Variants in FBN2 observed in about 807,000 individuals in gnomAD.
FBN2 encodes the protein fibrillin-2.
In FBN2, 105 loss-of-function variants were observed where a neutral mutation model predicts 355.6. The ratio of observed to expected loss-of-function variants is 0.30; its 90% CI spans 0.25 to 0.35. The LOEUF (loss-of-function observed/expected upper bound fraction) is 0.35, where lower values mean the gene tolerates loss of function less well. FBN2 is among the 10% of genes least tolerant of loss of function. The pLI, the probability that FBN2 is intolerant of heterozygous loss-of-function variation, is 1.00. For missense variants in FBN2, 3,280 were observed against 3,758.7 expected (o/e 0.87, Z 3.33); for synonymous variants, 1,350 against 1,301.2 (o/e 1.04, Z -0.81).
chr5:128,334,630 C>G (rs992930016), intron 31 of FBN2, 89 bp downstream of exon 31: 61 of 1,407,606 alleles, frequency 4.3e-5, no homozygotes, highest in African/African-American at 1.4e-5. Context: ...GGTAACCGCT[C>G]TAAGAGATGC....
chr5:128,368,603 A>G (rs1010640078), intron 16 of FBN2, among the ~76,000 whole-genome samples: 2 of 151,566 alleles, frequency 1.3e-5, no homozygotes, highest in African/African-American at 4.8e-5. Context: ...GATCAAGGAA[A>G]CTGAGGCTAT....
rs1049053117 is a variant in FBN2, at chr5:128,339,059, T to C, written c.3346A>G (p.Ile1116Val). 6 of 1,614,016 alleles carry C rather than the reference T, an allele frequency of 3.7e-6. No homozygotes were observed. The highest frequency in any genetic ancestry group is 5.1e-6 in the Non-Finnish European group (6 of 1,179,880). ...LDMEERNCTDIDECRISPDLC... is the reference protein window; with the variant it reads ...LDMEERNCTDVDECRISPDLC... ...TCAGGAGAAATCCTGCACTCGTCGA[T>C]GTCTAATTCACAGGGTTTAAAAGAA... The change falls in exon 26 of 65, where the codon ATC becomes GTC. Residue 1116 changes from isoleucine to valine, a missense_variant and splice_region_variant. Physicochemically the swap from Ile to Val is conservative, Grantham distance 29. Transcript: ENST00000262464.
At chr5:128,498,331 T>A (rs1755711571) in intron 5 of FBN2, among the ~76,000 whole-genome samples, 1 of 152,226 alleles carries the variant, frequency 6.6e-6, no homozygotes, top group Non-Finnish European at 1.5e-5. Flanking sequence ...ACGGGATAAT[T>A]AATGAATATA....
At chr5:128,385,581 C>T (rs1027790764) in intron 11 of FBN2, among the ~76,000 whole-genome samples, 3 of 152,018 alleles carry the variant, frequency 2.0e-5, no homozygotes, top group African/African-American at 4.8e-5. Context: ...CCCAGTATTG[C>T]TGGGTCGAAT....
chr5:128,369,116 T>G lies in FBN2; in HGVS notation c.2248+66A>C. On this transcript the variant is annotated intron_variant, in intron 16 of 64. Transcript: ENST00000262464. ...AACACTTAAGAGCTGATGTTCTCTT[T>G]GGCCAAACATCTAAGGTTGTATTTC... 3 of 1,505,482 alleles carry G rather than the reference T, an allele frequency of 2.0e-6. No individual in the cohort carries two copies. The South Asian group carries it at 3.4e-5, about 17-fold the overall frequency. The allele number at this position is 1,505,482 out of a possible 1,614,324, so 93.3% of individuals were successfully genotyped here.
At chr5:128,312,397 T>C (rs1207720006) in intron 37 of FBN2, among the ~76,000 whole-genome samples, 1 of 152,238 alleles carries the variant, frequency 6.6e-6, no homozygotes, top group East Asian at 1.9e-4. Context: ...GTACTATTCA[T>C]ACATGATTAC....
chr5:128,322,440 T>C (rs1561769709), intron 34 of FBN2, among the ~76,000 whole-genome samples: 1 of 152,354 alleles, frequency 6.6e-6, no homozygotes, highest in Non-Finnish European at 1.5e-5. Flanking sequence ...AAGTCTTTAA[T>C]CCACTTGAGT....
intron 8 of FBN2, among the ~76,000 whole-genome samples, chr5:128,406,529 A>G (rs757364230): frequency 2.0e-5 from 3 of 152,152 alleles, no homozygotes; most frequent in Non-Finnish European, 4.4e-5. Flanking sequence ...GCTAGCATCA[A>G]TACTCTTGGG....
At chr5:128,469,936 A>G (rs1484855429) in intron 5 of FBN2, among the ~76,000 whole-genome samples, 1 of 152,190 alleles carries the variant, frequency 6.6e-6, no homozygotes, top group African/African-American at 2.4e-5. Flanking sequence ...GTGTTACAGA[A>G]TTTAGAATAT....
chr5:128,361,122 A>G (rs776214838), intron 19 of FBN2, among the ~76,000 whole-genome samples: 1 of 152,246 alleles, frequency 6.6e-6, no homozygotes, highest in Non-Finnish European at 1.5e-5. Flanking sequence ...AGTAACTTCC[A>G]CTGCAAAAAT....
intron 7 of FBN2, chr5:128,441,942 ATTTT>A (rs1753932734): frequency 6.6e-6 from 1 of 152,302 alleles, no homozygotes; most frequent in Admixed American, 6.5e-5. Context: ...TAATGGATTT[ATTTT>A]TATTTATTTT....
At chr5:128,527,195 T>C (rs1304237376) in intron 4 of FBN2, among the ~76,000 whole-genome samples, 2 of 152,154 alleles carry the variant, frequency 1.3e-5, no homozygotes, top group Admixed American at 1.3e-4. Flanking sequence ...TCCCACAATT[T>C]AGAGAAGATT....
intron 7 of FBN2, among the ~76,000 whole-genome samples, chr5:128,444,113 C>T (rs867847177): frequency 1.4e-4 from 19 of 139,416 alleles, no homozygotes; most frequent in African/African-American, 5.1e-4. Flanking sequence ...TCGCCCAGGC[C>T]GGACTGCGGA....
chr5:128,469,546 A>AG (rs1422692421), intron 5 of FBN2, among the ~76,000 whole-genome samples: 2 of 151,494 alleles, frequency 1.3e-5, no homozygotes, highest in Non-Finnish European at 2.9e-5. Context: ...AAAAAAAAAA[A>AG]AGTCAGTGGA....
chr5:128,369,303 T>C lies in FBN2; in HGVS notation c.2127A>G (p.Gly709=), dbSNP rs1423533580. 1 of 1,614,022 alleles carries C rather than the reference T, an allele frequency of 6.2e-7. No homozygotes were observed. The highest frequency in any genetic ancestry group is 1.7e-5 in the Admixed American group (1 of 59,984). ...DTHMRSTCYG[G]IKKGVCVRPF... is the part of the protein sequence containing the mutation. Reference sequence around the variant, plus strand: ...GACGCACACACACTCCTTTCTTGATTCCTCCATAGCAGGTACTGCGCATGT... The same window carrying C: ...GACGCACACACACTCCTTTCTTGATCCCTCCATAGCAGGTACTGCGCATGT... Residue 709 remains glycine (G), a synonymous_variant, in exon 16 of 65, where the codon GGA becomes GGG. Transcript: ENST00000262464.
intron 62 of FBN2, among the ~76,000 whole-genome samples, chr5:128,269,769 G>T (rs1765218690): frequency 6.6e-6 from 1 of 152,194 alleles, no homozygotes; most frequent in Non-Finnish European, 1.5e-5. Flanking sequence ...CTCATGGATA[G>T]AAAGAATCAA....
chr5:128,376,286 A>G (rs1021870971), intron 14 of FBN2, among the ~76,000 whole-genome samples: 1 of 152,224 alleles, frequency 6.6e-6, no homozygotes, highest in African/African-American at 2.4e-5. Context: ...AGGTTTTTAG[A>G]TAATGACACA....
At position 128,521,800 on chromosome 5, in the gene FBN2, A is replaced by G. The variant is rs17677603; in HGVS notation, c.533-2432T>C. On this transcript the variant is annotated intron_variant, in intron 4 of 64. Coordinates refer to ENST00000262464, the MANE Select transcript of FBN2 (RefSeq NM_001999.4). ...GCTTCTCCCACGGTTTTCCAAAACA[A>G]AGTTTCCAATTCGCAGGTAGAACAA... Among the ~76,000 whole-genome samples, 74,425 of 151,930 alleles carry G rather than the reference A, an allele frequency of 0.49. 21,740 individuals carry two copies. Among genetic ancestry groups the G allele is most frequent in the African/African-American group, 0.83 (34,203 of 41,440 alleles).
chr5:128,373,958 A>G (rs1173039923), intron 15 of FBN2, among the ~76,000 whole-genome samples: 1 of 152,278 alleles, frequency 6.6e-6, no homozygotes, highest in Middle Eastern at 3.4e-3. Context: ...TGCAAGTCCA[A>G]TATTTATATT....
Sources: gnomAD v4.1 joint callset for allele counts (sites outside exome capture counted in the v4.1 genomes callset) on GRCh38, gnomAD v4.1.1 for gene constraint, MANE v1.5 for transcripts, NCBI Gene and HGNC (gene_info 2026-07-23, HGNC 2026-07-21) for gene names.